The following HMGN5 variants were observed in gnomAD, a reference collection of about 807,000 sequenced individuals.
HMGN5 encodes high mobility group nucleosome binding domain 5.
A neutral mutation model predicts 9.5 loss-of-function variants in HMGN5; 4 were observed. That is an observed-to-expected ratio of 0.42 (90% CI 0.21 to 0.96). HMGN5 has a LOEUF of 0.96. Among genes scored for constraint, HMGN5 ranks in the 40% least tolerant of loss-of-function variants. HMGN5 has a pLI of 0.30. For synonymous variants in HMGN5, 55 were observed against 57.1 expected (o/e 0.96, Z 0.16); for missense variants, 192 against 187.5 (o/e 1.02, Z -0.14).
At chrX:81,119,905 A>G (rs927561899) in intron 2 of HMGN5, 88 bp from the exon 3 acceptor site, 62 of 821,365 alleles carry the variant, frequency 7.5e-5, no homozygotes, top group Non-Finnish European at 1.1e-4. Flanking sequence ...ACAAATTTCA[A>G]TATAATTGCT....
chrX:81,165,671 G>A (rs1296900270), intron 1 of HMGN5, among the ~76,000 whole-genome samples: 1 of 111,150 alleles, frequency 9.0e-6, no homozygotes, highest in Non-Finnish European at 1.9e-5. Context: ...GGAAGATCAG[G>A]GTTATTGCCA....
At chrX:81,137,024 A>G (rs1434923393) in intron 1 of HMGN5, among the ~76,000 whole-genome samples, 2 of 111,688 alleles carry the variant, frequency 1.8e-5, no homozygotes, top group African/African-American at 6.5e-5. Flanking sequence ...GGATTAAACA[A>G]TAGTGCCCCA....
At chrX:81,166,631 C>T (rs2075412009) in intron 1 of HMGN5, among the ~76,000 whole-genome samples, 1 of 111,677 alleles carries the variant, frequency 9.0e-6, no homozygotes, top group Non-Finnish European at 1.9e-5. Flanking sequence ...GTTACATGAA[C>T]TACCTTGAGG....
At chrX:81,118,606 T>C (rs1183883297) in intron 4 of HMGN5, 121 bp from the exon 5 acceptor site, 5 of 813,171 alleles carry the variant, frequency 6.1e-6, no homozygotes, top group Non-Finnish European at 7.1e-6. Context: ...AAAATACATT[T>C]CCTTGGTGTG....
At chrX:81,163,628 A>T (rs1330878720) in intron 1 of HMGN5, among the ~76,000 whole-genome samples, 1 of 111,962 alleles carries the variant, frequency 8.9e-6, no homozygotes, top group Admixed American at 9.5e-5. Context: ...GAATATATTT[A>T]AAAATGTCAA....
At chrX:81,151,508 G>C (rs757867588) in intron 1 of HMGN5, among the ~76,000 whole-genome samples, 1 of 109,468 alleles carries the variant, frequency 9.1e-6, no homozygotes, top group Non-Finnish European at 1.9e-5. Flanking sequence ...GCTTGATGGG[G>C]ATGGCATTGA....
At chrX:81,119,745 C>T in intron 3 of HMGN5, 43 bp downstream of exon 3, 3 of 1,131,790 alleles carry the variant, frequency 2.7e-6, no homozygotes, top group South Asian at 1.8e-5. Flanking sequence ...GTTTATAAAA[C>T]GAGTGGTTTT....
intron 1 of HMGN5, among the ~76,000 whole-genome samples, chrX:81,182,306 C>T (rs2075465050): frequency 8.9e-6 from 1 of 112,013 alleles, no homozygotes; most frequent in South Asian, 3.7e-4. Flanking sequence ...TAGGCATTTT[C>T]CTACAGAACT....
intron 1 of HMGN5, among the ~76,000 whole-genome samples, chrX:81,145,521 C>T (rs770310198): frequency 8.9e-6 from 1 of 112,084 alleles, no homozygotes; most frequent in African/African-American, 3.2e-5. Flanking sequence ...TGGAAAGGAA[C>T]AACGAGTGCC....
At chrX:81,132,479 A>C (rs759227351) in intron 1 of HMGN5, among the ~76,000 whole-genome samples, 1 of 111,621 alleles carries the variant, frequency 9.0e-6, no homozygotes, top group Non-Finnish European at 1.9e-5. Context: ...GGGCTAAATA[A>C]CCAAACAGCA....
At chrX:81,197,533 C>T (rs1602586256) in intron 1 of HMGN5, among the ~76,000 whole-genome samples, 1 of 111,248 alleles carries the variant, frequency 9.0e-6, no homozygotes, top group Non-Finnish European at 1.9e-5. Context: ...TTTTATAATA[C>T]ATGAAAAATA....
chrX:81,134,619 A>G (rs1195645239), intron 1 of HMGN5, among the ~76,000 whole-genome samples: 5 of 111,406 alleles, frequency 4.5e-5, no homozygotes, highest in African/African-American at 1.6e-4. Context: ...GCAGTTTAAC[A>G]CATCGATACA....
intron 1 of HMGN5, among the ~76,000 whole-genome samples, chrX:81,170,362 A>G (rs975149196): frequency 8.9e-6 from 1 of 111,943 alleles, no homozygotes. Flanking sequence ...GGTTAGAGTC[A>G]AAGAGAAATT....
intron 1 of HMGN5, among the ~76,000 whole-genome samples, chrX:81,171,660 A>G (rs751967598): frequency 2.7e-5 from 3 of 111,845 alleles, no homozygotes; most frequent in Non-Finnish European, 5.7e-5. Context: ...CTGGAAAATT[A>G]AAACTTTTTG....
At chrX:81,127,308 G>A (rs1186587963) in intron 1 of HMGN5, among the ~76,000 whole-genome samples, 3 of 111,543 alleles carry the variant, frequency 2.7e-5, no homozygotes, top group African/African-American at 9.8e-5. Flanking sequence ...TATGAGACAA[G>A]AGCCTATTTT....
At chrX:81,153,805 C>T (rs1016075004) in intron 1 of HMGN5, among the ~76,000 whole-genome samples, 14 of 101,864 alleles carry the variant, frequency 1.4e-4, no homozygotes, top group African/African-American at 5.0e-4. Context: ...AAATTAAATA[C>T]CTAGGAATTA....
chrX:81,183,572 G>C (rs1327612629), intron 1 of HMGN5, among the ~76,000 whole-genome samples: 1 of 112,707 alleles, frequency 8.9e-6, no homozygotes, highest in East Asian at 2.8e-4. Context: ...TACAACAGTT[G>C]AGGCTTGGGA....
Position 81,176,817 on chromosome X carries a change from G to A in HMGN5, c.-124+24920C>T, listed in dbSNP as rs186381267. On this transcript the variant is annotated intron_variant, in intron 1 of 6. Transcript: ENST00000358130. ...AAATCTACATTTGATTGGTGTACCT[G>A]AAAGTGTCAGGGAGAATGGGACCAA... Among the ~76,000 whole-genome samples the A allele has an allele frequency of 3.9e-3, 440 of 111,864 alleles. 1 individual carries two copies. The highest frequency in any genetic ancestry group is 6.9e-3 in the Admixed American group (73 of 10,544).
intron 1 of HMGN5, among the ~76,000 whole-genome samples, chrX:81,179,355 C>T (rs758790070): frequency 9.8e-5 from 11 of 111,920 alleles, no homozygotes; most frequent in African/African-American, 3.6e-4. Context: ...TCAGCAAAGT[C>T]TCAGGATACA....
Sources: gnomAD v4.1 joint callset for allele counts (sites outside exome capture counted in the v4.1 genomes callset) on GRCh38, gnomAD v4.1.1 for gene constraint, MANE v1.5 for transcripts, NCBI Gene and HGNC (gene_info 2026-07-23, HGNC 2026-07-21) for gene names.